The following GRM3 variants were observed in gnomAD, a reference collection of about 807,000 sequenced individuals.
GRM3 encodes metabotropic glutamate receptor 3.
GRM3 carries 26 observed loss-of-function variants against 70.5 expected under a neutral mutation model. The observed-to-expected ratio is 0.37, with a 90% CI of 0.27 to 0.51. The LOEUF (loss-of-function observed/expected upper bound fraction) is 0.51, where lower values mean the gene tolerates loss of function less well. GRM3 is among the 20% of genes least tolerant of loss of function. The pLI is 0.93. For missense variants in GRM3, 859 were observed against 1,123.8 expected, an observed-to-expected ratio of 0.76 and a Z score of 3.37; for synonymous variants, 443 against 434.9, an observed-to-expected ratio of 1.02 and a Z score of -0.23.
chr7:86,644,664 G>A lies in GRM3; in HGVS notation c.-349G>A, dbSNP rs1319137884. The stretch of plus-strand genomic sequence containing the variant: ...CAGCCGGGAGGGGGCAGGGGCAGGG[G>A]GCACTGTGACAGGAAGCTGCGCGCA... On this transcript the variant is annotated 5_prime_UTR_variant, in exon 1 of 6. Transcript: ENST00000361669. The A allele has an allele frequency of 2.1e-5, 12 of 571,488 alleles. No individual in the cohort carries two copies. The African/African-American group carries it at 2.3e-4, about 11-fold the overall frequency. 35.4% of individuals were successfully genotyped at this position (571,488 alleles called of 1,614,324 possible).
intron 2 of GRM3, among the ~76,000 whole-genome samples, chr7:86,776,758 G>A (rs1299563599): frequency 6.6e-6 from 1 of 152,136 alleles, no homozygotes; most frequent in Non-Finnish European, 1.5e-5. Flanking sequence ...CAATATCTGA[G>A]GTACTAAACG....
intron 1 of GRM3, among the ~76,000 whole-genome samples, chr7:86,691,914 T>C: frequency 6.6e-6 from 1 of 152,172 alleles, no homozygotes; most frequent in African/African-American, 2.4e-5. Flanking sequence ...CAAAATGGAC[T>C]AAGATGCTAA....
At chr7:86,692,089 T>C (rs1033486273) in intron 1 of GRM3, among the ~76,000 whole-genome samples, 1 of 152,156 alleles carries the variant, frequency 6.6e-6, no homozygotes, top group Non-Finnish European at 1.5e-5. Flanking sequence ...ATAAAGTGAA[T>C]GTCAAACAAA....
chr7:86,717,540 C>T (rs1262829892), intron 1 of GRM3, among the ~76,000 whole-genome samples: 2 of 151,858 alleles, frequency 1.3e-5, no homozygotes, highest in African/African-American at 4.8e-5. Flanking sequence ...GAGACTATTA[C>T]AAAGGTATTC....
Position 86,839,037 on chromosome 7 carries a change from A to T in GRM3, c.1523A>T (p.Gln508Leu). 2 of 1,614,096 alleles carry T rather than the reference A, an allele frequency of 1.2e-6. No homozygotes were observed. Among genetic ancestry groups the T allele is most frequent in the Non-Finnish European group, 8.5e-7 (1 of 1,179,948 alleles). The part of the protein sequence containing the change: ...HWSRNSVPTS[Q>L]CSDPCAPNEM... ...TCCCGGAACTCAGTCCCCACTTCCCAGTGCAGCGACCCCTGTGCCCCCAAT... is the reference window on the plus strand; with the variant it reads ...TCCCGGAACTCAGTCCCCACTTCCCTGTGCAGCGACCCCTGTGCCCCCAAT... Residue 508 changes from glutamine (Q) to leucine (L), a missense_variant, in exon 4 of 6, where the codon CAG (glutamine) becomes CTG (leucine). Coordinates refer to ENST00000361669, the MANE Select transcript of GRM3 (RefSeq NM_000840.3). The surrounding 1 kb of genome is among the most constrained non-coding windows in gnomAD (Gnocchi z 4.5).
intron 1 of GRM3, among the ~76,000 whole-genome samples, chr7:86,754,615 A>G (rs1427386040): frequency 2.0e-5 from 3 of 152,166 alleles, no homozygotes; most frequent in Non-Finnish European, 2.9e-5. Flanking sequence ...AAAATAATCT[A>G]TGTAGAACAT....
At chr7:86,710,982 C>T (rs1795185414) in intron 1 of GRM3, among the ~76,000 whole-genome samples, 1 of 151,990 alleles carries the variant, frequency 6.6e-6, no homozygotes. Context: ...CTCCATTATT[C>T]ATGCTTTGAA....
chr7:86,818,941 C>T (rs1023518238), intron 3 of GRM3, among the ~76,000 whole-genome samples: 1 of 152,058 alleles, frequency 6.6e-6, no homozygotes, highest in Non-Finnish European at 1.5e-5. Flanking sequence ...TTTCAACCTC[C>T]CTCATCAGAT....
At chr7:86,810,148 A>C (rs1180257516) in intron 3 of GRM3, among the ~76,000 whole-genome samples, 1 of 152,042 alleles carries the variant, frequency 6.6e-6, no homozygotes, top group African/African-American at 2.4e-5. Context: ...ATGACCTTAA[A>C]TCGTCTTTAT....
chr7:86,772,944 C>T (rs1796784075), intron 2 of GRM3, among the ~76,000 whole-genome samples: 1 of 152,066 alleles, frequency 6.6e-6, no homozygotes, highest in African/African-American at 2.4e-5. Flanking sequence ...CTAGGATTCA[C>T]TTAACCCTGC....
rs184377536 is a variant in GRM3 at position 86,786,846 on chromosome 7, C to T, written c.1054C>T (p.Arg352Trp). The change falls in exon 3 of 6, where the codon CGG becomes TGG. Residue 352 changes from arginine (R) to tryptophan (W), a missense_variant. Transcript: ENST00000361669. This position sits in a 1 kb window ranked among gnomAD's most constrained non-coding sequence, Gnocchi z 6.0. ...PYNNHRNPWF[R>W]DFWEQKFQCS... ...CAACAACCACCGCAACCCCTGGTTC[C>T]GGGACTTCTGGGAGCAAAAGTTTCA... 3.1e-6 allele frequency: 5 copies of T among 1,614,088 alleles called. No individual in the cohort carries two copies. In the South Asian group the frequency reaches 3.3e-5, roughly 11 times the overall value.
At chr7:86,667,939 C>T (rs1360325818) in intron 1 of GRM3, among the ~76,000 whole-genome samples, 2 of 152,248 alleles carry the variant, frequency 1.3e-5, no homozygotes, top group African/African-American at 2.4e-5. Flanking sequence ...GGGAGCCAAA[C>T]TGTTGACTTA....
intron 1 of GRM3, among the ~76,000 whole-genome samples, chr7:86,685,370 T>G (rs936801251): frequency 6.6e-6 from 1 of 152,178 alleles, no homozygotes; most frequent in African/African-American, 2.4e-5. Flanking sequence ...AAAATAAGTC[T>G]ATGTAGACAA....
intron 1 of GRM3, among the ~76,000 whole-genome samples, chr7:86,658,663 C>A (rs1301026710): frequency 6.6e-6 from 1 of 152,124 alleles, no homozygotes; most frequent in African/African-American, 2.4e-5. Flanking sequence ...GTAAGTACTG[C>A]ATACAGAAAA....
chr7:86,783,069 G>A (rs553821026), intron 2 of GRM3, among the ~76,000 whole-genome samples: 1 of 152,224 alleles, frequency 6.6e-6, no homozygotes, highest in East Asian at 1.9e-4. Context: ...CATATGGCCA[G>A]TAAAGTAAGT....
In GRM3 at chr7:86,864,296, T is replaced by A. The variant is rs779711785; in HGVS notation, c.2581T>A (p.Tyr861Asn). Reference sequence around the variant, plus strand: ...TTGTTTTCCAGCCTCTGCAAGCACGTATGTGCCAACGGTGTGCAATGGGCG... The same window carrying A: ...TTGTTTTCCAGCCTCTGCAAGCACGAATGTGCCAACGGTGTGCAATGGGCG... ...TTYSQSSAST[Y>N]VPTVCNGREV... Residue 861 changes from tyrosine to asparagine, a missense_variant, in exon 6 of 6, where the codon TAT becomes AAT. Physicochemically the swap from Tyr to Asn is moderately radical, Grantham distance 143. Coordinates refer to ENST00000361669, the MANE Select transcript of GRM3 (RefSeq NM_000840.3). 3 of 1,592,166 alleles carry A rather than the reference T, an allele frequency of 1.9e-6. No homozygotes were observed. Among genetic ancestry groups the A allele is most frequent in the Admixed American group, 1.7e-5 (1 of 59,948 alleles).
At chr7:86,675,663 A>C (rs1794288191) in intron 1 of GRM3, among the ~76,000 whole-genome samples, 1 of 152,134 alleles carries the variant, frequency 6.6e-6, no homozygotes, top group Non-Finnish European at 1.5e-5. Flanking sequence ...CTGCAAGTAG[A>C]ATATTGATCT....
At chr7:86,832,498 G>A (rs1487882309) in intron 3 of GRM3, among the ~76,000 whole-genome samples, 1 of 151,980 alleles carries the variant, frequency 6.6e-6, no homozygotes, top group Non-Finnish European at 1.5e-5. Context: ...TGATCCGCCT[G>A]TCTCAGCCTC....
At chr7:86,860,505 A>C (rs1295038623) in intron 5 of GRM3, among the ~76,000 whole-genome samples, 1 of 152,226 alleles carries the variant, frequency 6.6e-6, no homozygotes. Context: ...CCTTCGACAC[A>C]TTAAAAAGTA....
Sources: allele counts gnomAD v4.1 joint callset (sites outside exome capture counted in the v4.1 genomes callset), GRCh38; gene constraint gnomAD v4.1.1; non-coding constraint Gnocchi (gnomAD v3.1); transcripts MANE v1.5; gene names NCBI Gene and HGNC (gene_info 2026-07-23, HGNC 2026-07-21).